The following AGTR1 variants were observed in gnomAD, a reference collection of about 807,000 sequenced individuals.
AGTR1 encodes the protein angiotensin II receptor type 1, also known as type-1 angiotensin II receptor.
In AGTR1, 16 loss-of-function variants were observed where a neutral mutation model predicts 19.4. That is an observed-to-expected ratio of 0.82 (90% CI 0.56 to 1.25). The LOEUF (loss-of-function observed/expected upper bound fraction) is 1.25. Ranked by LOEUF, AGTR1 falls within the 50% of genes most tolerant of loss-of-function variation. The pLI, the probability that AGTR1 is intolerant of heterozygous loss-of-function variation, is 0.00. For missense variants in AGTR1, 373 were observed against 431.9 expected (o/e 0.86, Z 1.21); for synonymous variants, 153 against 154.9 (o/e 0.99, Z 0.09).
intron 1 of AGTR1, among the ~76,000 whole-genome samples, chr3:148,700,823 A>G (rs1712296656): frequency 6.6e-6 from 1 of 152,194 alleles, no homozygotes; most frequent in African/African-American, 2.4e-5. Flanking sequence ...ATGATTGGAA[A>G]ATGCTATTAG....
At chr3:148,718,867 A>C (rs12695889) in intron 2 of AGTR1, among the ~76,000 whole-genome samples, 25 of 152,176 alleles carry the variant, frequency 1.6e-4, no homozygotes, top group African/African-American at 5.8e-4. Context: ...ACTATTTTGC[A>C]TAGGCATTTT....
intron 2 of AGTR1, among the ~76,000 whole-genome samples, chr3:148,739,315 C>T (rs1439348544): frequency 2.6e-5 from 4 of 151,116 alleles, no homozygotes; most frequent in Admixed American, 2.6e-4. Flanking sequence ...GCCAAGATCG[C>T]ACCACTGCAC....
chr3:148,733,444 A>G (rs2107964485), intron 2 of AGTR1, among the ~76,000 whole-genome samples: 1 of 152,292 alleles, frequency 6.6e-6, no homozygotes, highest in Non-Finnish European at 1.5e-5. Context: ...CTGCCCAATA[A>G]CTTTCCTCAC....
At chr3:148,718,974 G>A (rs1276751052) in intron 2 of AGTR1, among the ~76,000 whole-genome samples, 1 of 152,142 alleles carries the variant, frequency 6.6e-6, no homozygotes, top group Admixed American at 6.6e-5. Flanking sequence ...AGAAATAACA[G>A]GGGAGACTCA....
chr3:148,728,604 CTG>C lies in AGTR1; in HGVS notation c.-47-12383_-47-12382del, dbSNP rs139118469. 5.3e-5 allele frequency among the ~76,000 whole-genome samples: 8 copies of C among 152,278 alleles called. No individual in the cohort carries two copies. The East Asian group carries it at 1.5e-3, about 29-fold the overall frequency. The stretch of plus-strand genomic sequence containing the variant: ...AAGTAGTTAATGATCCAGAAATAAA[CTG>C]TTAGGTGCTTCAGGGAATTTCTGTG... On this transcript the variant is annotated intron_variant, in intron 2 of 2. Transcript: ENST00000349243.
At chr3:148,726,727 T>A (rs1327599543) in intron 2 of AGTR1, among the ~76,000 whole-genome samples, 1 of 152,160 alleles carries the variant, frequency 6.6e-6, no homozygotes, top group East Asian at 1.9e-4. Flanking sequence ...TTTTGAAAGC[T>A]CTGATGTTCT....
intron 2 of AGTR1, among the ~76,000 whole-genome samples, chr3:148,713,524 C>T (rs563758860): frequency 2.6e-5 from 4 of 152,090 alleles, no homozygotes; most frequent in East Asian, 1.9e-4. Context: ...AATCAGATGC[C>T]GAGGACCCAA....
rs1469976780 is a variant in AGTR1, at chr3:148,698,056, A to G, written c.-203A>G. On this transcript the variant is annotated 5_prime_UTR_variant, in exon 1 of 3. Coordinates refer to ENST00000349243, the MANE Select transcript of AGTR1 (RefSeq NM_000685.5). ...GTGAGGGCGCACAGCCGGGACGCCG[A>G]GGCGGCGGGCGGGAGACCCGCACCA... is the stretch of plus-strand genomic sequence containing the variant. 6.6e-6 allele frequency: 1 copy of G among 152,080 alleles called. No individual in the cohort carries two copies. The highest frequency in any genetic ancestry group is 1.9e-4 in the East Asian group (1 of 5,138). 9.4% of individuals were successfully genotyped at this position (152,080 alleles called of 1,614,324 possible).
chr3:148,712,447 C>CT (rs1713045337), intron 2 of AGTR1, among the ~76,000 whole-genome samples: 1 of 152,114 alleles, frequency 6.6e-6, no homozygotes, highest in African/African-American at 2.4e-5. Context: ...GGCCAAAATA[C>CT]TTCTGCACAC....
At chr3:148,736,975 C>T (rs912711269) in intron 2 of AGTR1, among the ~76,000 whole-genome samples, 12 of 152,164 alleles carry the variant, frequency 7.9e-5, no homozygotes, top group African/African-American at 2.9e-4. Flanking sequence ...TCAATCACAT[C>T]TCTCTCTCCT....
At chr3:148,699,259 G>A (rs1275451943) in intron 1 of AGTR1, among the ~76,000 whole-genome samples, 4 of 152,176 alleles carry the variant, frequency 2.6e-5, no homozygotes, top group Admixed American at 2.0e-4. Flanking sequence ...GCTTCCCGCT[G>A]AAGATGCTGC....
chr3:148,742,153 G>A lies in AGTR1; in HGVS notation c.*38G>A. On this transcript the variant is annotated 3_prime_UTR_variant, in exon 3 of 3. Transcript: ENST00000349243. ...CTGTCCATAAAGTAATTTTGTGAAA[G>A]AAGGAGCAAGAGAACATTCCTCTGC... 6.2e-7 allele frequency: 1 copy of A among 1,609,844 alleles called. No homozygotes were observed. Among genetic ancestry groups the A allele is most frequent in the South Asian group, 1.1e-5 (1 of 90,944 alleles).
Position 148,717,091 on chromosome 3 carries a change from A to G in AGTR1, c.-48+9064A>G, listed in dbSNP as rs536574179. Among the ~76,000 whole-genome samples, 30 of 152,098 alleles carry G rather than the reference A, an allele frequency of 2.0e-4. 1 individual carries two copies. The highest frequency in any genetic ancestry group is 7.2e-4 in the African/African-American group (30 of 41,386). ...GTTGGGGGAGCAACTGGTGCCCAGT[A>G]CTGTTTCACACACGTGGTTTTTCTT... On this transcript the variant is annotated intron_variant, in intron 2 of 2. Transcript: ENST00000349243.
intron 2 of AGTR1, among the ~76,000 whole-genome samples, chr3:148,738,404 G>C (rs1464855434): frequency 6.6e-6 from 1 of 151,564 alleles, no homozygotes; most frequent in East Asian, 1.9e-4. Flanking sequence ...CTACTAGATG[G>C]TTAAAAGGAT....
chr3:148,710,278 T>A (rs1712907688), intron 2 of AGTR1, among the ~76,000 whole-genome samples: 2 of 152,204 alleles, frequency 1.3e-5, no homozygotes, highest in South Asian at 2.1e-4. Flanking sequence ...TATACAGCTC[T>A]CACAGACCAT....
chr3:148,732,622 A>G (rs1285388985), intron 2 of AGTR1, among the ~76,000 whole-genome samples: 1 of 151,804 alleles, frequency 6.6e-6, no homozygotes, highest in Non-Finnish European at 1.5e-5. Flanking sequence ...CTGCCTTGTT[A>G]TAATTCTTGA....
chr3:148,699,143 G>A (rs1371226325), intron 1 of AGTR1, among the ~76,000 whole-genome samples: 3 of 152,080 alleles, frequency 2.0e-5, no homozygotes, highest in East Asian at 1.9e-4. Context: ...TCAGATTTGG[G>A]ACTTGGCTAC....
intron 2 of AGTR1, among the ~76,000 whole-genome samples, chr3:148,730,749 G>A (rs553303703): frequency 7.2e-5 from 11 of 152,300 alleles, no homozygotes; most frequent in African/African-American, 2.6e-4. Flanking sequence ...CAGAGTTTCT[G>A]ATTCAGTAGG....
At chr3:148,699,900 C>T (rs12721248) in intron 1 of AGTR1, among the ~76,000 whole-genome samples, 2,507 of 152,224 alleles carry the variant, frequency 0.016, 77 homozygotes, top group African/African-American at 0.057. Context: ...TGAATCAACT[C>T]TTCCATCATC....
Sources: allele counts gnomAD v4.1 joint callset (sites outside exome capture counted in the v4.1 genomes callset), GRCh38; gene constraint gnomAD v4.1.1; transcripts MANE v1.5; gene names NCBI Gene and HGNC (gene_info 2026-07-23, HGNC 2026-07-21).